Variants in COL26A1 observed in about 807,000 individuals in gnomAD.
The protein encoded by COL26A1 is collagen alpha-1(XXVI) chain.
In COL26A1, 41 loss-of-function variants were observed where a neutral mutation model predicts 59.3. The ratio of observed to expected loss-of-function variants is 0.69; its 90% CI spans 0.54 to 0.90. The LOEUF is 0.90. Ranked by LOEUF, COL26A1 falls within the 40% of genes least tolerant of loss-of-function variation. COL26A1 has a pLI of 0.00. For synonymous variants in COL26A1, 266 were observed against 256.0 expected, an observed-to-expected ratio of 1.04 and a Z score of -0.37; for missense variants, 612 against 602.3, an observed-to-expected ratio of 1.02 and a Z score of -0.17.
chr7:101,471,567 G>GTTTTTTTTTTTTTTTTTTTTTTT (rs796287195), intron 3 of COL26A1, among the ~76,000 whole-genome samples: 1 of 112,386 alleles, frequency 8.9e-6, no homozygotes, highest in African/African-American at 3.5e-5. Flanking sequence ...TGTTGTTGTT[G>GTTTTTTTTTTTTTTTTTTTTTTT]TTTGTTTTTT....
intron 2 of COL26A1, among the ~76,000 whole-genome samples, chr7:101,446,774 G>A (rs1793204632): frequency 6.6e-6 from 1 of 151,992 alleles, no homozygotes; most frequent in Non-Finnish European, 1.5e-5. Context: ...TTGAACCTGG[G>A]AGGCAGAGGT....
intron 3 of COL26A1, among the ~76,000 whole-genome samples, chr7:101,454,240 CT>C (rs1487546384): frequency 6.7e-6 from 1 of 149,804 alleles, no homozygotes; most frequent in Admixed American, 6.7e-5. Context: ...CTGTTCTTTT[CT>C]TTTTTTCCTT....
intron 1 of COL26A1, among the ~76,000 whole-genome samples, chr7:101,398,398 T>G (rs1380343830): frequency 6.6e-6 from 1 of 152,106 alleles, no homozygotes; most frequent in Non-Finnish European, 1.5e-5. Flanking sequence ...TCCCTCTCCC[T>G]CCGCCCATAA....
At chr7:101,469,164 ACTGTAAAGTGCTGT>A (rs1239387561) in intron 3 of COL26A1, among the ~76,000 whole-genome samples, 1 of 152,118 alleles carries the variant, frequency 6.6e-6, no homozygotes, top group African/African-American at 2.4e-5. Flanking sequence ...AGCTTTATGG[ACTGTAAAGTGCTGT>A]GCAGACACAC....
At chr7:101,477,535 G>C (rs1043914853) in intron 3 of COL26A1, among the ~76,000 whole-genome samples, 1 of 152,136 alleles carries the variant, frequency 6.6e-6, no homozygotes, top group African/African-American at 2.4e-5. Flanking sequence ...GAGCTGAGGG[G>C]GAGGAAGGGT....
intron 10 of COL26A1, 117 bp from the exon 11 acceptor site, chr7:101,553,209 C>G (rs779456027): frequency 5.6e-5 from 51 of 914,716 alleles, no homozygotes; most frequent in Non-Finnish European, 8.3e-5. Context: ...CACCCGTTTC[C>G]CAGGCCCTGC....
At chr7:101,421,676 G>A (rs1005405054) in intron 2 of COL26A1, among the ~76,000 whole-genome samples, 4 of 151,276 alleles carry the variant, frequency 2.6e-5, no homozygotes, top group Non-Finnish European at 4.4e-5. Context: ...AAATTGCTAC[G>A]TCTCATGACT....
intron 3 of COL26A1, among the ~76,000 whole-genome samples, chr7:101,501,873 A>G (rs148846605): frequency 2.5e-4 from 38 of 152,218 alleles, no homozygotes; most frequent in African/African-American, 9.2e-4. Context: ...GTGTGTGTGC[A>G]TGCATGGGCC....
intron 1 of COL26A1, among the ~76,000 whole-genome samples, chr7:101,407,327 G>A (rs1253421057): frequency 6.6e-6 from 1 of 152,098 alleles, no homozygotes; most frequent in Non-Finnish European, 1.5e-5. Context: ...GTCTCTGCTC[G>A]ATATTCCTGA....
intron 3 of COL26A1, among the ~76,000 whole-genome samples, chr7:101,469,489 T>TTC (rs1220267452): frequency 1.5e-5 from 2 of 134,420 alleles, no homozygotes; most frequent in African/African-American, 5.9e-5. Context: ...TTTACACGAT[T>TTC]TCTCTCTTTT....
chr7:101,376,571 G>A (rs948263598), intron 1 of COL26A1, among the ~76,000 whole-genome samples: 8 of 152,040 alleles, frequency 5.3e-5, no homozygotes, highest in Middle Eastern at 3.4e-3. Flanking sequence ...GGGTCGTTTC[G>A]GACCTTCTCC....
intron 2 of COL26A1, among the ~76,000 whole-genome samples, chr7:101,429,066 G>A (rs1792714741): frequency 6.6e-6 from 1 of 151,786 alleles, no homozygotes; most frequent in South Asian, 2.1e-4. Context: ...TGGGATTACA[G>A]GCACCTGCCA....
At chr7:101,481,508 T>C (rs1794156152) in intron 3 of COL26A1, among the ~76,000 whole-genome samples, 1 of 150,846 alleles carries the variant, frequency 6.6e-6, no homozygotes, top group Admixed American at 6.6e-5. Flanking sequence ...CTGGAGTGCA[T>C]GGCACGGTCA....
intron 3 of COL26A1, among the ~76,000 whole-genome samples, chr7:101,467,259 G>T (rs932498601): frequency 4.0e-5 from 6 of 151,172 alleles, no homozygotes; most frequent in Non-Finnish European, 7.4e-5. Flanking sequence ...AAGAGCAGAG[G>T]TTTAATAGGT....
At chr7:101,488,562 G>T (rs562885005) in intron 3 of COL26A1, among the ~76,000 whole-genome samples, 23 of 151,572 alleles carry the variant, frequency 1.5e-4, no homozygotes, top group African/African-American at 4.8e-4. Flanking sequence ...TTTCAGTAGA[G>T]ACAGGGTTTC....
intron 3 of COL26A1, among the ~76,000 whole-genome samples, chr7:101,490,941 C>T (rs764418359): frequency 2.7e-5 from 4 of 145,480 alleles, no homozygotes; most frequent in South Asian, 4.3e-4. Context: ...GCTGAGATCA[C>T]GCCACTGCAC....
chr7:101,506,442 C>G (rs1039056309), intron 3 of COL26A1, among the ~76,000 whole-genome samples: 2 of 152,246 alleles, frequency 1.3e-5, no homozygotes, highest in African/African-American at 4.8e-5. Context: ...GTGGGGGCCT[C>G]TTAGCAGAAA....
intron 3 of COL26A1, among the ~76,000 whole-genome samples, chr7:101,448,065 A>G (rs1023623330): frequency 6.6e-6 from 1 of 152,176 alleles, no homozygotes; most frequent in African/African-American, 2.4e-5. Context: ...AGGGGAAGGG[A>G]TTTGATTTCT....
chr7:101,551,199 C>A, intron 10 of COL26A1, 56 bp downstream of exon 10: 2 of 1,005,968 alleles, frequency 2.0e-6, no homozygotes, highest in Non-Finnish European at 2.9e-6. Context: ...GGCTCTGATG[C>A]AAGCCCAGGG....
Sources: allele counts gnomAD v4.1 joint callset (sites outside exome capture counted in the v4.1 genomes callset), GRCh38; gene constraint gnomAD v4.1.1; transcripts MANE v1.5; gene names NCBI Gene and HGNC (gene_info 2026-07-23, HGNC 2026-07-21).